The following KIF14 variants were observed in gnomAD, a reference collection of about 807,000 sequenced individuals.
KIF14 encodes the protein kinesin family member 14.
In KIF14, 98 loss-of-function variants were observed where a neutral mutation model predicts 176.2. That is an observed-to-expected ratio of 0.56 (90% CI 0.47 to 0.66). The LOEUF (loss-of-function observed/expected upper bound fraction) is 0.66. KIF14 is among the 30% of genes least tolerant of loss of function. The pLI is 0.00. For missense variants in KIF14, 1,751 were observed against 1,920.4 expected (o/e 0.91, Z 1.65); for synonymous variants, 566 against 632.2 (o/e 0.90, Z 1.57).
intron 27 of KIF14, 75 bp downstream of exon 27, chr1:200,559,253 AAT>A (rs1413999021): frequency 1.1e-6 from 1 of 877,198 alleles, no homozygotes; most frequent in Non-Finnish European, 1.6e-6. Context: ...AATTTATAGA[AAT>A]CTAATTTGTT....
intron 1 of KIF14, among the ~76,000 whole-genome samples, chr1:200,619,320 A>G (rs1456237798): frequency 1.3e-5 from 2 of 151,650 alleles, no homozygotes; most frequent in East Asian, 3.9e-4. Context: ...TTTTTTGCCA[A>G]TGTTCCATAA....
chr1:200,560,238 AT>A (rs1173589426), intron 26 of KIF14, among the ~76,000 whole-genome samples: 1 of 151,626 alleles, frequency 6.6e-6, no homozygotes, highest in Non-Finnish European at 1.5e-5. Flanking sequence ...TTGCAAAATA[AT>A]CCAATATATT....
intron 29 of KIF14, 51 bp from the exon 30 acceptor site, chr1:200,553,818 AG>A (rs1271100449): frequency 6.6e-7 from 1 of 1,508,954 alleles, no homozygotes; most frequent in Non-Finnish European, 8.9e-7. Flanking sequence ...AGTTTTCATC[AG>A]GTATTTATGA....
chr1:200,603,091 A>AGGTAGTTT (rs1387249138), intron 10 of KIF14, 135 bp downstream of exon 10: 6 of 505,644 alleles, frequency 1.2e-5, no homozygotes, highest in Non-Finnish European at 2.1e-5. Context: ...ATTCAAATCC[A>AGGTAGTTT]GGTAGTTTGG....
In KIF14 at chr1:200,618,649, T is replaced by C. The variant is rs753083375; in HGVS notation, c.75A>G (p.Ser25=). ...ILDIPSSQNS[S]SLNALTHSSR... is the part of the protein sequence containing the mutation. ...TACTGTGGGTGAGGGCATTCAGTGA[T>C]GAACTATTTTGGGAAGAAGGAATAT... The change falls in exon 2 of 30, where the codon TCA becomes TCG. Residue 25 remains serine (S), a synonymous_variant. Coordinates refer to ENST00000367350, the MANE Select transcript of KIF14 (RefSeq NM_014875.3). 1.2e-6 allele frequency: 2 copies of C among 1,613,872 alleles called. No homozygotes were observed. Among genetic ancestry groups the C allele is most frequent in the South Asian group, 1.1e-5 (1 of 91,088 alleles).
At chr1:200,573,149 C>T (rs1362173592) in intron 22 of KIF14, among the ~76,000 whole-genome samples, 2 of 152,172 alleles carry the variant, frequency 1.3e-5, no homozygotes, top group Non-Finnish European at 2.9e-5. Context: ...CCGATGTTGT[C>T]AATCATGGTG....
intron 18 of KIF14, among the ~76,000 whole-genome samples, chr1:200,588,587 G>C (rs1287367907): frequency 1.3e-5 from 2 of 152,136 alleles, no homozygotes; most frequent in Non-Finnish European, 2.9e-5. Context: ...TGATGTTGCT[G>C]GTCTAGGGAC....
intron 14 of KIF14, among the ~76,000 whole-genome samples, chr1:200,594,577 C>CA (rs1232172248): frequency 6.6e-6 from 1 of 151,994 alleles, no homozygotes; most frequent in East Asian, 1.9e-4. Context: ...TCAAAGTGTA[C>CA]CCCTTAAGAC....
intron 14 of KIF14, among the ~76,000 whole-genome samples, chr1:200,595,741 G>A (rs1239384823): frequency 4.0e-5 from 6 of 150,502 alleles, no homozygotes; most frequent in African/African-American, 4.9e-5. Context: ...CTGAGGTCAG[G>A]AGTTCAAGAC....
intron 2 of KIF14, among the ~76,000 whole-genome samples, 184 bp from the exon 3 acceptor site, chr1:200,615,793 T>C (rs1030724185): frequency 3.3e-5 from 5 of 152,194 alleles, no homozygotes; most frequent in Non-Finnish European, 7.3e-5. Context: ...ATATATTTCC[T>C]GAGGCTCCAG....
At chr1:200,591,470 T>C (rs1318858280) in intron 16 of KIF14, among the ~76,000 whole-genome samples, 1 of 152,272 alleles carries the variant, frequency 6.6e-6, no homozygotes, top group Non-Finnish European at 1.5e-5. Context: ...CAAAATTCTT[T>C]AATGTTTCCC....
intron 9 of KIF14, 32 bp from the exon 10 acceptor site, chr1:200,603,373 A>G: frequency 1.0e-6 from 1 of 1,000,450 alleles, no homozygotes; most frequent in South Asian, 1.4e-5. Context: ...TTTTTAACTT[A>G]AAATACTTCT....
chr1:200,569,577 T>G (rs890804999), intron 23 of KIF14, among the ~76,000 whole-genome samples: 3 of 152,202 alleles, frequency 2.0e-5, no homozygotes, highest in African/African-American at 7.2e-5. Flanking sequence ...CCACATCTTC[T>G]TTTTTCTCCT....
intron 25 of KIF14, 102 bp from the exon 26 acceptor site, chr1:200,560,982 G>A: frequency 5.4e-6 from 6 of 1,105,400 alleles, no homozygotes; most frequent in Middle Eastern, 2.5e-4. Flanking sequence ...TGTAATTCCA[G>A]CAGTTTGGGA....
chr1:200,592,436 C>A (rs1426529046), intron 15 of KIF14, among the ~76,000 whole-genome samples, 196 bp from the exon 16 acceptor site: 1 of 152,084 alleles, frequency 6.6e-6, no homozygotes, highest in African/African-American at 2.4e-5. Flanking sequence ...AGTGCAATGG[C>A]ACAATCTCAG....
intron 2 of KIF14, among the ~76,000 whole-genome samples, chr1:200,617,108 C>T (rs1263454226): frequency 6.6e-6 from 1 of 152,162 alleles, no homozygotes; most frequent in African/African-American, 2.4e-5. Context: ...GCTGGGATTA[C>T]AGGTGTGCAA....
Position 200,614,310 on chromosome 1 carries a change from G to A in KIF14, c.1455+8C>T, listed in dbSNP as rs1200338015. ...GAAAAGAAGCTTGCAGGTATTATAA[G>A]AACATACCTCTTGGGTTTGTTTTCT... On this transcript the variant is annotated splice_region_variant and intron_variant, in intron 4 of 29. Coordinates refer to ENST00000367350, the MANE Select transcript of KIF14 (RefSeq NM_014875.3). The A allele has an allele frequency of 2.0e-6, 3 of 1,510,694 alleles. No individual in the cohort carries two copies. In the African/African-American group the frequency reaches 4.1e-5, roughly 21 times the overall value. 93.6% of individuals were successfully genotyped at this position (1,510,694 alleles called of 1,614,324 possible). A position where few individuals can be genotyped will look rare whatever the true frequency, so the allele number is the denominator to read the frequency against.
chr1:200,596,398 T>G (rs1659340722), intron 14 of KIF14, among the ~76,000 whole-genome samples: 1 of 152,166 alleles, frequency 6.6e-6, no homozygotes, highest in African/African-American at 2.4e-5. Flanking sequence ...TAATATTTGG[T>G]ACTGGGAGAA....
chr1:200,574,990 T>A (rs1373620560), intron 22 of KIF14, among the ~76,000 whole-genome samples: 1 of 135,940 alleles, frequency 7.4e-6, no homozygotes, highest in Non-Finnish European at 1.5e-5. Context: ...TCGCCCAGGC[T>A]GGAGTGCAGC....
Sources: gnomAD v4.1 joint callset for allele counts (sites outside exome capture counted in the v4.1 genomes callset) on GRCh38, gnomAD v4.1.1 for gene constraint, MANE v1.5 for transcripts, NCBI Gene and HGNC (gene_info 2026-07-23, HGNC 2026-07-21) for gene names.